The following PTPRD variants were observed in gnomAD, a reference collection of about 807,000 sequenced individuals.
PTPRD encodes protein tyrosine phosphatase receptor type D.
Under a neutral mutation model 214.5 loss-of-function variants are expected in PTPRD, and 34 were observed. The ratio of observed to expected loss-of-function variants is 0.16; its 90% CI spans 0.12 to 0.21. The LOEUF is 0.21. PTPRD is among the 10% of genes least tolerant of loss of function. The pLI is 1.00. For missense variants in PTPRD, 2,545 were observed against 2,398.7 expected (o/e 1.06, Z -1.27); for synonymous variants, 1,128 against 845.7 (o/e 1.33, Z -5.79).
chr9:9,242,592 G>C (rs201181341), intron 9 of PTPRD, among the ~76,000 whole-genome samples: 5 of 151,846 alleles, frequency 3.3e-5, no homozygotes, highest in African/African-American at 4.8e-5. Context: ...TCATTCATTT[G>C]ATCTTCCATC....
At chr9:10,422,376 T>C (rs2098553665) in intron 2 of PTPRD, among the ~76,000 whole-genome samples, 1 of 151,978 alleles carries the variant, frequency 6.6e-6, no homozygotes, top group South Asian at 2.1e-4. Flanking sequence ...ACCTAGGCAA[T>C]ACCATTCAGG....
intron 2 of PTPRD, among the ~76,000 whole-genome samples, chr9:10,585,834 AAC>A (rs1449180002): frequency 2.0e-5 from 3 of 152,000 alleles, no homozygotes; most frequent in African/African-American, 4.8e-5. Flanking sequence ...TGATATTTTA[AAC>A]AGATTTTAGT....
chr9:9,221,767 C>G (rs1293397769), intron 9 of PTPRD, among the ~76,000 whole-genome samples: 1 of 152,024 alleles, frequency 6.6e-6, no homozygotes, highest in Non-Finnish European at 1.5e-5. Context: ...TCCATAGCAA[C>G]AACCAAAACC....
chr9:10,106,814 T>C (rs1038080441), intron 3 of PTPRD, among the ~76,000 whole-genome samples: 2 of 151,946 alleles, frequency 1.3e-5, no homozygotes, highest in African/African-American at 4.8e-5. Context: ...TCAGCTTAAA[T>C]ATGTAAAATG....
intron 24 of PTPRD, 40 bp downstream of exon 24, chr9:8,500,714 T>C (rs2136940130): frequency 6.3e-7 from 1 of 1,597,390 alleles, no homozygotes; most frequent in Non-Finnish European, 8.6e-7. Flanking sequence ...ATCAAGACTG[T>C]GTCAGAAGGG....
chr9:8,449,919 C>T, intron 33 of PTPRD, 82 bp from the exon 34 acceptor site: 3 of 1,286,784 alleles, frequency 2.3e-6, no homozygotes, highest in East Asian at 2.4e-5. Context: ...CACCTGCACT[C>T]CCCCCACCTC....
intron 11 of PTPRD, among the ~76,000 whole-genome samples, chr9:8,912,530 AC>A (rs1475545051): frequency 2.0e-5 from 3 of 152,088 alleles, no homozygotes; most frequent in South Asian, 2.1e-4. Flanking sequence ...GAAAACAGGA[AC>A]TTTTGGGGTG....
intron 8 of PTPRD, among the ~76,000 whole-genome samples, chr9:9,497,405 G>C (rs1040171338): frequency 3.3e-5 from 5 of 152,002 alleles, no homozygotes; most frequent in Non-Finnish European, 7.4e-5. Context: ...AAATAGATTT[G>C]GCATTCAAGA....
chr9:10,012,297 G>A (rs1392664969), intron 4 of PTPRD, among the ~76,000 whole-genome samples: 1 of 151,668 alleles, frequency 6.6e-6, no homozygotes, highest in Non-Finnish European at 1.5e-5. Flanking sequence ...CAAAAAGGGG[G>A]TAGGGTCGGT....
At chr9:10,449,503 G>C (rs1009809972) in intron 2 of PTPRD, among the ~76,000 whole-genome samples, 2 of 144,536 alleles carry the variant, frequency 1.4e-5, no homozygotes, top group Non-Finnish European at 3.0e-5. Context: ...GCTGCCCATC[G>C]TCTGGGATGT....
At chr9:9,374,774 C>G (rs2060356317) in intron 9 of PTPRD, among the ~76,000 whole-genome samples, 1 of 152,180 alleles carries the variant, frequency 6.6e-6, no homozygotes, top group Non-Finnish European at 1.5e-5. Flanking sequence ...CCAGGGCCAT[C>G]TTTGTCTTAC....
At chr9:8,518,497 C>A in intron 20 of PTPRD, 68 bp from the exon 21 acceptor site, 1 of 1,103,358 alleles carries the variant, frequency 9.1e-7, no homozygotes, top group Non-Finnish European at 1.3e-6. Flanking sequence ...AATCTATAAA[C>A]TCTACTATGA....
intron 5 of PTPRD, among the ~76,000 whole-genome samples, chr9:9,930,608 T>C (rs941199452): frequency 1.3e-5 from 2 of 152,178 alleles, no homozygotes; most frequent in African/African-American, 4.8e-5. Context: ...TTATATAATG[T>C]AATTTTTATT....
chr9:9,889,909 T>G (rs1300097514), intron 5 of PTPRD, among the ~76,000 whole-genome samples: 1 of 151,974 alleles, frequency 6.6e-6, no homozygotes, highest in Non-Finnish European at 1.5e-5. Flanking sequence ...ACATGGTACT[T>G]CCCTGTAGGC....
At chr9:8,331,459 TAAG>T in intron 44 of PTPRD, 120 bp downstream of exon 44, 1 of 1,107,574 alleles carries the variant, frequency 9.0e-7, no homozygotes, top group Non-Finnish European at 1.3e-6. Context: ...AATCCTGCTT[TAAG>T]TTTTGTAATA....
chr9:8,426,446 T>C (rs932276918), intron 35 of PTPRD, among the ~76,000 whole-genome samples: 1 of 152,172 alleles, frequency 6.6e-6, no homozygotes, highest in Admixed American at 6.6e-5. Flanking sequence ...TGCAACTCAA[T>C]AAAGAGTGTC....
intron 12 of PTPRD, among the ~76,000 whole-genome samples, chr9:8,702,872 G>A (rs1206188743): frequency 6.6e-6 from 1 of 152,226 alleles, no homozygotes; most frequent in Admixed American, 6.5e-5. Flanking sequence ...CTCCCAAAGT[G>A]CTGGGATTAC....
At chr9:9,898,089 A>G (rs144035843) in intron 5 of PTPRD, among the ~76,000 whole-genome samples, 2 of 152,132 alleles carry the variant, frequency 1.3e-5, no homozygotes, top group Admixed American at 1.3e-4. Context: ...CAACATAGAG[A>G]AACTAAGGAA....
chr9:9,487,841 T>G (rs956518409), intron 8 of PTPRD, among the ~76,000 whole-genome samples: 6 of 152,160 alleles, frequency 3.9e-5, no homozygotes, highest in Non-Finnish European at 5.9e-5. Flanking sequence ...TATCAGAAAG[T>G]ATCCCTAATA....
Sources: allele counts gnomAD v4.1 joint callset (sites outside exome capture counted in the v4.1 genomes callset), GRCh38; gene constraint gnomAD v4.1.1; transcripts MANE v1.5; gene names NCBI Gene and HGNC (gene_info 2026-07-23, HGNC 2026-07-21).